The following HPS3 variants were observed in gnomAD, a reference collection of about 807,000 sequenced individuals.
HPS3 encodes BLOC-2 complex member HPS3.
In HPS3, 79 loss-of-function variants were observed where a neutral mutation model predicts 110.9. The observed-to-expected ratio is 0.71, with a 90% confidence interval of 0.59 to 0.86. The LOEUF is 0.86. Among genes scored for constraint, HPS3 ranks in the 40% least tolerant of loss-of-function variants. The probability of loss-of-function intolerance (pLI) is 0.00; values close to 1 mark genes in which losing one functional copy is unlikely to be tolerated. For missense variants in HPS3, 1,197 were observed against 1,206.2 expected (o/e 0.99, Z 0.11); for synonymous variants, 428 against 451.0 (o/e 0.95, Z 0.65).
chr3:149,163,700 A>T, intron 13 of HPS3, 142 bp from the exon 14 acceptor site: 1 of 586,422 alleles, frequency 1.7e-6, no homozygotes, highest in Non-Finnish European at 3.0e-6. Context: ...AATTCTTAAA[A>T]ACTTTCCTTC....
intron 5 of HPS3, among the ~76,000 whole-genome samples, chr3:149,146,444 A>G (rs1722781881): frequency 6.6e-6 from 1 of 152,236 alleles, no homozygotes; most frequent in African/African-American, 2.4e-5. Context: ...CATGAAAGCT[A>G]GCTAGAATTT....
At position 149,163,842 on chromosome 3, in the gene HPS3, A is replaced by T; in HGVS notation, c.2482A>T (p.Ile828Leu). The T allele has an allele frequency of 6.7e-7, 1 of 1,481,594 alleles. No homozygotes were observed. The highest frequency in any genetic ancestry group is 9.4e-7 in the Non-Finnish European group (1 of 1,059,176). The allele number at this position is 1,481,594 out of a possible 1,614,324, so 91.8% of individuals were successfully genotyped here. The change falls in exon 14 of 17, where the codon ATA (isoleucine) becomes TTA (leucine). Residue 828 changes from isoleucine (I) to leucine (L), a missense_variant and splice_region_variant. By Grantham distance (5) the Ile-to-Leu change is conservative. Coordinates refer to ENST00000296051, the MANE Select transcript of HPS3 (RefSeq NM_032383.5). ...TATGAGAAATTCTTTTATGTTTTAG[A>T]TAAATGCCTGTAGTCATTATGGCTT... ...TTPLRTSEDL[I>L]NACSHYGLIY... is the part of the protein sequence containing the mutation.
chr3:149,147,228 A>G (rs1722830053), intron 5 of HPS3, among the ~76,000 whole-genome samples: 1 of 152,216 alleles, frequency 6.6e-6, no homozygotes, highest in South Asian at 2.1e-4. Flanking sequence ...TTTGAGTTTG[A>G]GATGCTTATA....
chr3:149,158,582 G>A, intron 9 of HPS3, 84 bp from the exon 10 acceptor site: 2 of 1,281,180 alleles, frequency 1.6e-6, no homozygotes, highest in Non-Finnish European at 2.3e-6. Flanking sequence ...GAGGTCAGGA[G>A]TTTGAAATCA....
chr3:149,136,165 T>C (rs530614754), intron 1 of HPS3, among the ~76,000 whole-genome samples: 18 of 150,106 alleles, frequency 1.2e-4, no homozygotes, highest in Middle Eastern at 3.4e-3. Context: ...TATGTGTGTG[T>C]GTATATATAT....
chr3:149,138,837 C>T (rs1722273062), intron 1 of HPS3, among the ~76,000 whole-genome samples: 2 of 152,166 alleles, frequency 1.3e-5, no homozygotes, highest in South Asian at 4.1e-4. Context: ...ATTATAATAG[C>T]CGTGAGAGTC....
intron 7 of HPS3, 83 bp from the exon 8 acceptor site, chr3:149,155,024 T>C: frequency 2.5e-6 from 2 of 784,806 alleles, no homozygotes; most frequent in Non-Finnish European, 2.3e-6. Context: ...TTTATAGTTA[T>C]TTTATATCCA....
At position 149,129,664 on chromosome 3, in the gene HPS3, C is replaced by G. The variant is rs1246835348; in HGVS notation, c.-60C>G. ...GAAGTAGTCCTACATTCGCGGTCAG[C>G]GCGGGGTCTCCGGGCGCCCTGCAGG... On this transcript the variant is annotated 5_prime_UTR_variant, in exon 1 of 17. Coordinates refer to ENST00000296051, the MANE Select transcript of HPS3 (RefSeq NM_032383.5). 11 of 1,326,276 alleles carry G rather than the reference C, an allele frequency of 8.3e-6. No homozygotes were observed. The highest frequency in any genetic ancestry group is 5.3e-4 in the Middle Eastern group (2 of 3,766). The allele number at this position is 1,326,276 out of a possible 1,614,324, so 82.2% of individuals were successfully genotyped here.
At chr3:149,139,324 CCT>C (rs1444100257) in intron 1 of HPS3, among the ~76,000 whole-genome samples, 1 of 152,034 alleles carries the variant, frequency 6.6e-6, no homozygotes, top group Non-Finnish European at 1.5e-5. Flanking sequence ...AGACAGAATA[CCT>C]CTCTGTGATC....
rs11711029 is a variant in HPS3 at position 149,145,069 on chromosome 3, C to A, written c.971-285C>A. On this transcript the variant is annotated intron_variant, in intron 4 of 16. Transcript: ENST00000296051. Reference sequence around the variant, plus strand: ...ATTATTCTTTTTATTATTTTGAAACCCAAGTAGTGTTGAGCTCTGCCAGTG... The same window carrying A: ...ATTATTCTTTTTATTATTTTGAAACACAAGTAGTGTTGAGCTCTGCCAGTG... Among the ~76,000 whole-genome samples the A allele has an allele frequency of 0.23, 35,536 of 151,894 alleles. 4,603 individuals carry two copies. Among genetic ancestry groups the A allele is most frequent in the African/African-American group, 0.35 (14,648 of 41,398 alleles).
chr3:149,134,212 T>A (rs754806625), intron 1 of HPS3, among the ~76,000 whole-genome samples: 1 of 152,222 alleles, frequency 6.6e-6, no homozygotes, highest in Non-Finnish European at 1.5e-5. Flanking sequence ...TCAGCAGGAA[T>A]ATTCCAATTT....
At chr3:149,161,772 AG>A (rs1338155812) in intron 11 of HPS3, among the ~76,000 whole-genome samples, 1 of 152,110 alleles carries the variant, frequency 6.6e-6, no homozygotes, top group African/African-American at 2.4e-5. Context: ...GGCCTTCCAA[AG>A]TGCTGGGATT....
In HPS3 at chr3:149,161,239, A is replaced by T. The variant is rs558645262; in HGVS notation, c.2107-909A>T. 1.2e-4 allele frequency among the ~76,000 whole-genome samples: 19 copies of T among 152,314 alleles called. No individual in the cohort carries two copies. In the South Asian group the frequency reaches 3.7e-3, roughly 30 times the overall value. ...ATAATTTTGAAAAAACTTAAGATATATTAGTCATCACTTGGTATTTATGGG... is the reference window on the plus strand; with the variant it reads ...ATAATTTTGAAAAAACTTAAGATATTTTAGTCATCACTTGGTATTTATGGG... On this transcript the variant is annotated intron_variant, in intron 11 of 16. Coordinates refer to ENST00000296051, the MANE Select transcript of HPS3 (RefSeq NM_032383.5).
intron 12 of HPS3, 44 bp downstream of exon 12, chr3:149,162,377 A>T: frequency 7.1e-6 from 11 of 1,556,754 alleles, no homozygotes; most frequent in Non-Finnish European, 9.8e-6. Context: ...GGCCTCATTA[A>T]ATTGGTGGTG....
rs1317543874 is a variant in HPS3, at chr3:149,162,720, C to G, written c.2323C>G (p.Pro775Ala). 6.2e-7 allele frequency: 1 copy of G among 1,613,976 alleles called. No homozygotes were observed. The highest frequency in any genetic ancestry group is 1.7e-5 in the Admixed American group (1 of 59,986). ...VLCAKDEDTI[P>A]QLLVDFWEAQ... ...TTGTGCTAAGGATGAAGATACAATT[C>G]CTCAGCTCTTGGTAGACTTTTGGGA... is the stretch of plus-strand genomic sequence containing the variant. The change falls in exon 13 of 17, where the codon CCT becomes GCT. Residue 775 changes from proline to alanine, a missense_variant. By Grantham distance (27) the Pro-to-Ala change is conservative. Transcript: ENST00000296051.
intron 5 of HPS3, 45 bp from the exon 6 acceptor site, chr3:149,150,554 G>C (rs1293889220): frequency 1.3e-6 from 2 of 1,524,438 alleles, no homozygotes; most frequent in Non-Finnish European, 1.8e-6. Context: ...GGGTATGTTG[G>C]TTCTTGGCCT....
chr3:149,142,455 T>C (rs1722532261), intron 4 of HPS3, among the ~76,000 whole-genome samples: 1 of 152,168 alleles, frequency 6.6e-6, no homozygotes, highest in Admixed American at 6.5e-5. Context: ...AAGATATTGA[T>C]ACTCAGGCTC....
intron 1 of HPS3, among the ~76,000 whole-genome samples, chr3:149,131,272 T>G (rs1400806429): frequency 6.6e-6 from 1 of 152,170 alleles, no homozygotes; most frequent in African/African-American, 2.4e-5. Context: ...AGGCATACCT[T>G]GTTTTTTTTG....
intron 6 of HPS3, among the ~76,000 whole-genome samples, chr3:149,151,873 G>A (rs59747617): frequency 0.24 from 36,516 of 152,142 alleles, 4,937 homozygotes; most frequent in African/African-American, 0.38. Context: ...TTTTCCAGAA[G>A]GATAAGCCTT....
Sources: gnomAD v4.1 joint callset for allele counts (sites outside exome capture counted in the v4.1 genomes callset) on GRCh38, gnomAD v4.1.1 for gene constraint, MANE v1.5 for transcripts, NCBI Gene and HGNC (gene_info 2026-07-23, HGNC 2026-07-21) for gene names.